PCDH7: variants seen among roughly 807,000 people sequenced by gnomAD.
The protein encoded by PCDH7 is protocadherin 7, also known as protocadherin-7.
A neutral mutation model predicts 58.9 loss-of-function variants in PCDH7; 17 were observed. That is an observed-to-expected ratio of 0.29 (90% CI 0.20 to 0.43). The LOEUF is 0.43. Among genes scored for constraint, PCDH7 ranks in the 20% least tolerant of loss-of-function variants. PCDH7 has a pLI of 1.00. For missense variants in PCDH7, 1,274 were observed against 1,441.0 expected (o/e 0.88, Z 1.88); for synonymous variants, 664 against 616.4 (o/e 1.08, Z -1.14).
intron 3 of PCDH7, among the ~76,000 whole-genome samples, chr4:30,984,019 A>G (rs997323105): frequency 6.6e-6 from 1 of 152,194 alleles, no homozygotes; most frequent in Non-Finnish European, 1.5e-5. Context: ...TAGTATCCCT[A>G]GTACTAAGAT....
chr4:30,860,198 G>A (rs1734020279), intron 1 of PCDH7, among the ~76,000 whole-genome samples: 1 of 152,116 alleles, frequency 6.6e-6, no homozygotes, highest in Admixed American at 6.5e-5. Context: ...CAGTGTGTTT[G>A]CTAAGTAATG....
intron 2 of PCDH7, among the ~76,000 whole-genome samples, chr4:30,937,950 A>T (rs1745556557): frequency 6.6e-6 from 1 of 151,576 alleles, no homozygotes; most frequent in South Asian, 2.1e-4. Context: ...TCATTAAGCA[A>T]CTTTCAGCCC....
intron 3 of PCDH7, among the ~76,000 whole-genome samples, chr4:31,035,580 G>T (rs1341751087): frequency 6.6e-6 from 1 of 151,970 alleles, no homozygotes; most frequent in Non-Finnish European, 1.5e-5. Context: ...TAACACTTTT[G>T]CTCTCTGCTT....
chr4:30,822,365 C>T (rs555181642), intron 1 of PCDH7, among the ~76,000 whole-genome samples: 6 of 152,234 alleles, frequency 3.9e-5, no homozygotes, highest in African/African-American at 9.6e-5. Context: ...GAATGCCACA[C>T]GCCACATCCA....
rs751359527 is a variant in PCDH7 at position 31,031,846 on chromosome 4, GA to G, written c.*7+81632del. On this transcript the variant is annotated intron_variant, in intron 3 of 3. Coordinates refer to the PCDH7 transcript ENST00000509759. ...CAAAGAATAAGAGATCACTTCCTTA[GA>G]TAAGTGCTGGGATTCTTCTAACTTA... is the stretch of plus-strand genomic sequence containing the variant. 3.7e-4 allele frequency among the ~76,000 whole-genome samples: 57 copies of G among 152,110 alleles called. 1 individual carries two copies. Among genetic ancestry groups the G allele is most frequent in the Non-Finnish European group, 7.8e-4 (53 of 68,022 alleles).
At chr4:31,074,259 T>G (rs1203456433) in intron 3 of PCDH7, among the ~76,000 whole-genome samples, 1 of 151,360 alleles carries the variant, frequency 6.6e-6, no homozygotes, top group Non-Finnish European at 1.5e-5. Context: ...ATAAACATAC[T>G]AGATTGCAAA....
rs572544103 is a variant in PCDH7 at position 30,947,858 on chromosome 4, C to T, written c.288-2262C>T. ...TTAACAAATTTTTTCCTATCCCCTC[C>T]TCTGCCTACCCTTCCCAACCTCTAG... is the stretch of plus-strand genomic sequence containing the variant. On this transcript the variant is annotated intron_variant, in intron 2 of 3. Transcript: ENST00000509759. 4.6e-5 allele frequency among the ~76,000 whole-genome samples: 7 copies of T among 152,218 alleles called. No individual in the cohort carries two copies. In the East Asian group the frequency reaches 1.2e-3, roughly 25 times the overall value.
At chr4:31,132,417 T>C (rs1049543558) in intron 3 of PCDH7, among the ~76,000 whole-genome samples, 1 of 152,110 alleles carries the variant, frequency 6.6e-6, no homozygotes, top group African/African-American at 2.4e-5. Flanking sequence ...ATTTTTAAAG[T>C]AAACATCCAT....
chr4:30,752,012 GAC>G (rs1306732715), intron 1 of PCDH7, among the ~76,000 whole-genome samples: 1 of 152,088 alleles, frequency 6.6e-6, no homozygotes, highest in East Asian at 1.9e-4. Flanking sequence ...AATAATCTTA[GAC>G]ATAAAAAACT....
Position 30,821,653 on chromosome 4 carries a change from T to C in PCDH7, c.70+97057T>C, listed in dbSNP as rs146368263. 5.9e-5 allele frequency among the ~76,000 whole-genome samples: 9 copies of C among 152,300 alleles called. No homozygotes were observed. In the East Asian group the frequency reaches 1.7e-3, roughly 29 times the overall value. ...ATGCACTTGTCTTCTTAGTCTTAAA[T>C]AAGAGATACCCTTGCTTCTTCACAG... is the stretch of plus-strand genomic sequence containing the variant. On this transcript the variant is annotated intron_variant, in intron 1 of 3. Coordinates refer to the PCDH7 transcript ENST00000509759.
intron 1 of PCDH7, among the ~76,000 whole-genome samples, chr4:30,812,098 G>A (rs746183199): frequency 6.6e-6 from 1 of 152,086 alleles, no homozygotes; most frequent in Non-Finnish European, 1.5e-5. Context: ...GGCAAATGAG[G>A]CAACTGCTCC....
chr4:30,999,042 G>C (rs928383072), intron 3 of PCDH7, among the ~76,000 whole-genome samples: 4 of 152,050 alleles, frequency 2.6e-5, no homozygotes, highest in African/African-American at 9.7e-5. Context: ...TAGAGGGTGG[G>C]ACGCCATTAG....
intron 3 of PCDH7, among the ~76,000 whole-genome samples, chr4:30,952,469 G>T (rs1440376674): frequency 4.7e-5 from 7 of 150,258 alleles, no homozygotes; most frequent in African/African-American, 1.7e-4. Flanking sequence ...CCAAATTAAG[G>T]AGAAAAAAAA....
In PCDH7 at chr4:30,995,384, C is replaced by T. The variant is rs113950710; in HGVS notation, c.*7+45169C>T. 4.1e-3 allele frequency among the ~76,000 whole-genome samples: 630 copies of T among 152,042 alleles called. 4 individuals carry two copies. Among genetic ancestry groups the T allele is most frequent in the African/African-American group, 0.014 (596 of 41,476 alleles). ...AAAATTAGCTGGGCGTGGTGGCGGG[C>T]GCCTGTAGTCCCAGCTACTCGGGAG... On this transcript the variant is annotated intron_variant, in intron 3 of 3. Coordinates refer to the PCDH7 transcript ENST00000509759.
intron 1 of PCDH7, among the ~76,000 whole-genome samples, chr4:30,887,410 T>G (rs1293633438): frequency 6.6e-6 from 1 of 152,102 alleles, no homozygotes; most frequent in East Asian, 1.9e-4. Context: ...CTTTATATCC[T>G]AAGAGTTCAG....
chr4:31,036,629 C>A (rs553362306), intron 3 of PCDH7, among the ~76,000 whole-genome samples: 79 of 152,254 alleles, frequency 5.2e-4, no homozygotes, highest in African/African-American at 1.9e-3. Flanking sequence ...AATGTTCATT[C>A]TTTCATCGAA....
chr4:30,990,124 A>G (rs1206004877), intron 3 of PCDH7, among the ~76,000 whole-genome samples: 3 of 152,058 alleles, frequency 2.0e-5, no homozygotes, highest in African/African-American at 2.4e-5. Context: ...TATAATTTTT[A>G]TATAATATAG....
chr4:31,098,717 A>G (rs1714500240), intron 3 of PCDH7, among the ~76,000 whole-genome samples: 1 of 152,184 alleles, frequency 6.6e-6, no homozygotes, highest in Admixed American at 6.5e-5. Context: ...CTGACATGGA[A>G]TAGATTAACT....
chr4:30,829,815 C>T (rs1729549551), intron 1 of PCDH7, among the ~76,000 whole-genome samples: 1 of 151,952 alleles, frequency 6.6e-6, no homozygotes, highest in Admixed American at 6.6e-5. Context: ...ACACAGTTTG[C>T]TCTAAAATAG....
Sources: allele counts gnomAD v4.1 joint callset (sites outside exome capture counted in the v4.1 genomes callset), GRCh38; gene constraint gnomAD v4.1.1; transcripts MANE v1.5; gene names NCBI Gene and HGNC (gene_info 2026-07-23, HGNC 2026-07-21).